RILPL2: variants seen among roughly 807,000 people sequenced by gnomAD.
RILPL2 encodes the protein RILP-like protein 2.
In RILPL2, 19 loss-of-function variants were observed where a neutral mutation model predicts 22.2. The ratio of observed to expected loss-of-function variants is 0.86; its 90% CI spans 0.60 to 1.25. RILPL2 has a LOEUF of 1.25. RILPL2 is among the 50% of genes most tolerant of loss of function. The pLI is 0.00. For synonymous variants in RILPL2, 123 were observed against 111.6 expected, an observed-to-expected ratio of 1.10 and a Z score of -0.64; for missense variants, 243 against 263.6, an observed-to-expected ratio of 0.92 and a Z score of 0.54.
Position 123,430,674 on chromosome 12 carries a change from G to A in RILPL2, c.340-15C>T, listed in dbSNP as rs139329555. 1.4e-5 allele frequency: 22 copies of A among 1,555,726 alleles called. No homozygotes were observed. Among genetic ancestry groups the A allele is most frequent in the African/African-American group, 6.9e-5 (5 of 72,166 alleles). ...CCCAGGTTCACCTGGAAGAAAAGAC[G>A]CAACCTTTGCAAGCAACTCTATATA... On this transcript the variant is annotated splice_polypyrimidine_tract_variant and intron_variant, in intron 1 of 3. Transcript: ENST00000280571.
chr12:123,422,134 C>T (rs989565695), intron 3 of RILPL2, among the ~76,000 whole-genome samples: 1 of 151,474 alleles, frequency 6.6e-6, no homozygotes, highest in South Asian at 2.1e-4. Flanking sequence ...GTCTCATCCT[C>T]CTGAGTAGCT....
chr12:123,425,167 G>A lies in RILPL2; in HGVS notation c.492-2010C>T, dbSNP rs182073775. ...GTGCTGTACAGGCATAAGCCACTGC[G>A]CCCGGCCTTATTATTATTTTTTTTT... On this transcript the variant is annotated intron_variant, in intron 2 of 3. Transcript: ENST00000280571. Among the ~76,000 whole-genome samples, 274 of 151,484 alleles carry A rather than the reference G, an allele frequency of 1.8e-3. 8 individuals carry two copies. The highest frequency in any genetic ancestry group is 0.014 in the Admixed American group (218 of 15,156).
chr12:123,413,177 T>C (rs1017123525), downstream of RILPL2: 2 of 157,772 alleles, frequency 1.3e-5, no homozygotes. Context: ...GCCTGGGCGA[T>C]AGAGCAAGAC....
At chr12:123,412,620 T>G (rs1311121433), downstream of RILPL2, 1 of 152,194 alleles carries the variant, frequency 6.6e-6, no homozygotes, top group Non-Finnish European at 1.5e-5. Flanking sequence ...ACTTTCTAGC[T>G]GAGGACCTTA....
Position 123,436,586 on chromosome 12 carries a change from A to T in RILPL2, c.-166T>A. The stretch of plus-strand genomic sequence containing the variant: ...GATGGTGCAAGGGGCCGCGCACGCG[A>T]CTCTTGGGCCTGCGCCCCGGCGCAC... On this transcript the variant is annotated 5_prime_UTR_variant, in exon 1 of 4. Transcript: ENST00000280571. This position sits in a 1 kb window ranked among gnomAD's most constrained non-coding sequence, Gnocchi z 6.7. The T allele has an allele frequency of 1.5e-5, 17 of 1,137,946 alleles. No homozygotes were observed. Among genetic ancestry groups the T allele is most frequent in the Non-Finnish European group, 2.0e-5 (17 of 831,780 alleles). 70.5% of individuals were successfully genotyped at this position (1,137,946 alleles called of 1,614,324 possible). A position where few individuals can be genotyped will look rare whatever the true frequency, so the allele number is the denominator to read the frequency against.
downstream of RILPL2, among the ~76,000 whole-genome samples, chr12:123,410,396 C>G (rs1878936891): frequency 6.6e-6 from 1 of 152,152 alleles, no homozygotes; most frequent in African/African-American, 2.4e-5. Flanking sequence ...TGCAAAAGAT[C>G]CAGTTCCAGC....
At chr12:123,417,814 G>A (rs28481863) in intron 3 of RILPL2, among the ~76,000 whole-genome samples, 116,404 of 152,150 alleles carry the variant, frequency 0.77, 45,075 homozygotes, top group East Asian at 1. Flanking sequence ...CGAACTCTGG[G>A]CCTCAGGTGA....
chr12:123,431,929 C>T (rs1879663350), intron 1 of RILPL2, among the ~76,000 whole-genome samples: 1 of 151,228 alleles, frequency 6.6e-6, no homozygotes, highest in South Asian at 2.1e-4. Flanking sequence ...GAGTCTTGCT[C>T]TGTTGCCCAG....
At chr12:123,422,927 C>T in intron 3 of RILPL2, 117 bp downstream of exon 3, 1 of 706,392 alleles carries the variant, frequency 1.4e-6, no homozygotes, top group Non-Finnish European at 2.5e-6. Flanking sequence ...TGCAGCACCA[C>T]AACCGGGAGA....
rs778551170 is a variant in RILPL2, at chr12:123,433,138, C to T, written c.340-2479G>A. Among the ~76,000 whole-genome samples the T allele has an allele frequency of 1.2e-3, 167 of 142,836 alleles. 1 individual carries two copies. The highest frequency in any genetic ancestry group is 3.9e-3 in the Middle Eastern group (1 of 256). The allele number at this position is 142,836 out of a possible 152,430, so 93.7% of individuals were successfully genotyped here. A position where few individuals can be genotyped will look rare whatever the true frequency, so the allele number is the denominator to read the frequency against. ...TTTTTTTTTTGAGACGAAGTCGTCT[C>T]GCTCTGTTGCCAGGCTAGAATGCAG... is the stretch of plus-strand genomic sequence containing the variant. On this transcript the variant is annotated intron_variant, in intron 1 of 3. Coordinates refer to ENST00000280571, the MANE Select transcript of RILPL2 (RefSeq NM_145058.3).
At position 123,415,729 on chromosome 12, in the gene RILPL2, G is replaced by C. The variant is rs1221950060; in HGVS notation, c.*162C>G. The C allele has an allele frequency of 1.3e-6, 1 of 752,436 alleles. No homozygotes were observed. Among genetic ancestry groups the C allele is most frequent in the East Asian group, 2.5e-5 (1 of 40,642 alleles). 46.6% of individuals were successfully genotyped at this position (752,436 alleles called of 1,614,324 possible). A position where few individuals can be genotyped will look rare whatever the true frequency, so the allele number is the denominator to read the frequency against. On this transcript the variant is annotated 3_prime_UTR_variant, in exon 4 of 4. Coordinates refer to ENST00000280571, the MANE Select transcript of RILPL2 (RefSeq NM_145058.3). Reference sequence around the variant, plus strand: ...CTAGTTCTGCAGCCAGGGAGAAAGTGATGCCAAGAGAACCTCGTCTCCTCC... The same window carrying C: ...CTAGTTCTGCAGCCAGGGAGAAAGTCATGCCAAGAGAACCTCGTCTCCTCC...
chr12:123,422,969 C>T, intron 3 of RILPL2, 75 bp downstream of exon 3: 1 of 1,063,018 alleles, frequency 9.4e-7, no homozygotes, highest in South Asian at 1.3e-5. Flanking sequence ...GGCAGCTGGT[C>T]AGCCTCTTCT....
chr12:123,414,566 T>A (rs1879063766), downstream of RILPL2: 1 of 152,744 alleles, frequency 6.5e-6, no homozygotes, highest in African/African-American at 2.4e-5. Context: ...GCTCCCACAG[T>A]GCAGCGGTGG....
chr12:123,428,534 C>T (rs1722855974), intron 2 of RILPL2, among the ~76,000 whole-genome samples: 1 of 152,236 alleles, frequency 6.6e-6, no homozygotes, highest in Admixed American at 6.6e-5. Flanking sequence ...AACGCTTCTG[C>T]TGTATTGCTG....
chr12:123,424,554 C>T (rs902235576), intron 2 of RILPL2, among the ~76,000 whole-genome samples: 5 of 152,164 alleles, frequency 3.3e-5, no homozygotes, highest in African/African-American at 1.2e-4. Context: ...TGGTCTCAAA[C>T]TCCCGACCTC....
intron 2 of RILPL2, 112 bp downstream of exon 2, chr12:123,430,396 G>A (rs544622789): frequency 3.8e-4 from 413 of 1,100,972 alleles, no homozygotes; most frequent in Admixed American, 1.6e-3. Context: ...GCGACAGAGC[G>A]AGACTCTGTC....
chr12:123,415,775 G>A lies in RILPL2; in HGVS notation c.*116C>T. The A allele has an allele frequency of 9.9e-7, 1 of 1,013,090 alleles. No homozygotes were observed. The highest frequency in any genetic ancestry group is 1.3e-5 in the South Asian group (1 of 78,006). The allele number at this position is 1,013,090 out of a possible 1,614,324, so 62.8% of individuals were successfully genotyped here. On this transcript the variant is annotated 3_prime_UTR_variant, in exon 4 of 4. Coordinates refer to ENST00000280571, the MANE Select transcript of RILPL2 (RefSeq NM_145058.3). ...CCTCCCTCCTCAGTCTGCTTTGAAGGGGAAATAAATACACAGGCCTAGTGT... is the reference window on the plus strand; with the variant it reads ...CCTCCCTCCTCAGTCTGCTTTGAAGAGGAAATAAATACACAGGCCTAGTGT...
At chr12:123,419,857 G>A (rs963204575) in intron 3 of RILPL2, among the ~76,000 whole-genome samples, 7 of 150,908 alleles carry the variant, frequency 4.6e-5, no homozygotes, top group Non-Finnish European at 8.9e-5. Flanking sequence ...GCAGTGGTGC[G>A]ATCTTGGCTC....
intron 2 of RILPL2, among the ~76,000 whole-genome samples, chr12:123,429,057 A>G (rs1183201670): frequency 6.6e-6 from 1 of 152,176 alleles, no homozygotes; most frequent in East Asian, 1.9e-4. Context: ...ACGAGTCTCA[A>G]CGTGATTATG....
Sources: gnomAD v4.1 joint callset for allele counts (sites outside exome capture counted in the v4.1 genomes callset) on GRCh38, gnomAD v4.1.1 for gene constraint, Gnocchi (gnomAD v3.1) non-coding constraint, MANE v1.5 for transcripts, NCBI Gene and HGNC (gene_info 2026-07-23, HGNC 2026-07-21) for gene names.